BMAL2: variants seen among roughly 807,000 people sequenced by gnomAD.
BMAL2 encodes basic helix-loop-helix ARNT-like protein 2.
At chr12:27,415,800 T>C in the BMAL2 span, 1 of 1,024,020 alleles carries the variant, frequency 9.8e-7, no homozygotes, top group Admixed American at 2.1e-5. Context: ...GATTATTATG[T>C]ATTTAGAGGA....
the BMAL2 span, among the ~76,000 whole-genome samples, chr12:27,407,946 T>G: frequency 6.6e-6 from 1 of 151,988 alleles, no homozygotes; most frequent in Non-Finnish European, 1.5e-5. Context: ...CAAACTACCA[T>G]CAGAGAATAC....
At chr12:27,389,715 T>C in the BMAL2 span, 1 of 181,204 alleles carries the variant, frequency 5.5e-6, no homozygotes, top group Non-Finnish European at 1.1e-5. Flanking sequence ...GAAGTATAAG[T>C]ATTTTTTTCT....
the BMAL2 span, among the ~76,000 whole-genome samples, chr12:27,353,665 A>G: frequency 2.6e-5 from 4 of 152,148 alleles, no homozygotes; most frequent in African/African-American, 9.7e-5. Context: ...ATATTTGAAA[A>G]TGATGCATCT....
chr12:27,403,198 G>C, the BMAL2 span, among the ~76,000 whole-genome samples: 1 of 152,204 alleles, frequency 6.6e-6, no homozygotes, highest in South Asian at 2.1e-4. Flanking sequence ...TTGCTGTGGA[G>C]ATTAAAGTGG....
At chr12:27,370,538 A>T in the BMAL2 span, among the ~76,000 whole-genome samples, 2 of 152,102 alleles carry the variant, frequency 1.3e-5, no homozygotes, top group African/African-American at 4.8e-5. Context: ...AAAAGGAAAA[A>T]TATATGAGAA....
At chr12:27,381,218 T>C in the BMAL2 span, among the ~76,000 whole-genome samples, 9 of 152,174 alleles carry the variant, frequency 5.9e-5, no homozygotes, top group Admixed American at 5.9e-4. Flanking sequence ...TTTCTGGCTT[T>C]AGCAATTCCC....
the BMAL2 span, among the ~76,000 whole-genome samples, chr12:27,408,220 G>A: frequency 2.6e-3 from 398 of 152,162 alleles, 2 homozygotes; most frequent in Admixed American, 7.9e-3. Context: ...AGAAAAAGAG[G>A]GAATCCTCCC....
At chr12:27,394,885 G>A in the BMAL2 span, among the ~76,000 whole-genome samples, 2 of 152,228 alleles carry the variant, frequency 1.3e-5, no homozygotes, top group Non-Finnish European at 2.9e-5. Flanking sequence ...AGCAAGGGAA[G>A]GCCATGTGAG....
the BMAL2 span, chr12:27,390,309 A>T: frequency 6.7e-7 from 1 of 1,488,714 alleles, no homozygotes. Flanking sequence ...TTTTCTGTAC[A>T]GAAAAAATAA....
chr12:27,362,420 C>A, the BMAL2 span, among the ~76,000 whole-genome samples: 1 of 152,072 alleles, frequency 6.6e-6, no homozygotes, highest in African/African-American at 2.4e-5. Flanking sequence ...AATTATTCTC[C>A]CCACTTCTTT....
chr12:27,342,654 C>A, the BMAL2 span, among the ~76,000 whole-genome samples: 1 of 152,228 alleles, frequency 6.6e-6, no homozygotes, highest in Non-Finnish European at 1.5e-5. Flanking sequence ...CGTACCAGCT[C>A]CCTGGTTGGA....
the BMAL2 span, among the ~76,000 whole-genome samples, chr12:27,334,555 A>C: frequency 6.6e-6 from 1 of 152,164 alleles, no homozygotes; most frequent in Non-Finnish European, 1.5e-5. Context: ...AAATTGGCCA[A>C]ACTGAAAGGA....
At chr12:27,360,825 A>AAAAAAAAAAAAAAAAAAAAAAG in the BMAL2 span, among the ~76,000 whole-genome samples, 1 of 149,430 alleles carries the variant, frequency 6.7e-6, no homozygotes, top group East Asian at 1.9e-4. Flanking sequence ...AAAAAAAAAA[A>AAAAAAAAAAAAAAAAAAAAAAG]CAGTACTAAC....
the BMAL2 span, among the ~76,000 whole-genome samples, chr12:27,367,138 G>A: frequency 6.6e-6 from 1 of 152,130 alleles, no homozygotes; most frequent in African/African-American, 2.4e-5. Context: ...CAATATGCCA[G>A]CATCATTACT....
chr12:27,394,264 A>G, the BMAL2 span, among the ~76,000 whole-genome samples: 1 of 152,106 alleles, frequency 6.6e-6, no homozygotes, highest in African/African-American at 2.4e-5. Context: ...GACCCTGGAC[A>G]TTGAAACCCA....
At chr12:27,409,865 C>T in the BMAL2 span, among the ~76,000 whole-genome samples, 1 of 152,076 alleles carries the variant, frequency 6.6e-6, no homozygotes, top group African/African-American at 2.4e-5. Context: ...GGCTAATATC[C>T]AGAATCTACA....
the BMAL2 span, among the ~76,000 whole-genome samples, chr12:27,362,842 C>G: frequency 6.6e-6 from 1 of 152,004 alleles, no homozygotes; most frequent in Non-Finnish European, 1.5e-5. Context: ...AAGACAGGGT[C>G]TCACTCTGTC....
the BMAL2 span, among the ~76,000 whole-genome samples, chr12:27,370,592 G>C: frequency 6.6e-6 from 1 of 151,900 alleles, no homozygotes; most frequent in Non-Finnish European, 1.5e-5. Context: ...ATGGAGAGCT[G>C]GTTCTTTTTT....
the BMAL2 span, among the ~76,000 whole-genome samples, chr12:27,397,690 G>A: frequency 1.6e-4 from 25 of 152,154 alleles, no homozygotes; most frequent in African/African-American, 3.6e-4. Context: ...CATGGGTCAC[G>A]GATTCAGACT....
Sources: gnomAD v4.1 joint callset for allele counts (sites outside exome capture counted in the v4.1 genomes callset) on GRCh38, gnomAD v4.1.1 for gene constraint, MANE v1.5 for transcripts, NCBI Gene and HGNC (gene_info 2026-07-23, HGNC 2026-07-21) for gene names.